Variants in CACNA1E observed in about 807,000 individuals in gnomAD.
The protein encoded by CACNA1E is calcium voltage-gated channel subunit alpha1 E, also known as voltage-dependent R-type calcium channel subunit alpha-1E.
In CACNA1E, 40 loss-of-function variants were observed where a neutral mutation model predicts 259.2. That is an observed-to-expected ratio of 0.15 (90% CI 0.12 to 0.20). The LOEUF (loss-of-function observed/expected upper bound fraction) is 0.20. Ranked by LOEUF, CACNA1E falls within the 10% of genes least tolerant of loss-of-function variation. The pLI, the probability that CACNA1E is intolerant of heterozygous loss-of-function variation, is 1.00. For synonymous variants in CACNA1E, 1,104 were observed against 1,138.5 expected (o/e 0.97, Z 0.61); for missense variants, 1,874 against 3,040.1 (o/e 0.62, Z 9.02).
intron 6 of CACNA1E, among the ~76,000 whole-genome samples, chr1:181,641,635 G>A (rs148129575): frequency 1.1e-4 from 17 of 151,464 alleles, no homozygotes; most frequent in African/African-American, 3.4e-4. Flanking sequence ...CAGAGGAAAC[G>A]AGAGACAATC....
intron 3 of CACNA1E, among the ~76,000 whole-genome samples, chr1:181,525,940 C>T (rs1667326291): frequency 6.6e-6 from 1 of 152,114 alleles, no homozygotes; most frequent in African/African-American, 2.4e-5. Context: ...GTTTATAGCC[C>T]TAAGGAAAGG....
chr1:181,598,673 T>A (rs556009629), intron 6 of CACNA1E, among the ~76,000 whole-genome samples: 61 of 152,328 alleles, frequency 4.0e-4, no homozygotes, highest in Middle Eastern at 3.4e-3. Context: ...TCTGTACATC[T>A]TTTTGTCTGA....
chr1:181,478,487 T>C (rs979956949), intron 2 of CACNA1E, among the ~76,000 whole-genome samples: 4 of 152,258 alleles, frequency 2.6e-5, no homozygotes, highest in Non-Finnish European at 4.4e-5. Flanking sequence ...GCCAACTTTT[T>C]TCTTAAGAAC....
intron 10 of CACNA1E, 81 bp from the exon 11 acceptor site, chr1:181,717,012 C>T (rs919174134): frequency 2.6e-6 from 3 of 1,149,552 alleles, no homozygotes; most frequent in East Asian, 2.4e-5. Flanking sequence ...ACTAGAGCAG[C>T]CCATCTTGCC....
chr1:181,628,236 C>G (rs528005915), intron 6 of CACNA1E, among the ~76,000 whole-genome samples: 2 of 152,256 alleles, frequency 1.3e-5, no homozygotes, highest in South Asian at 4.2e-4. Flanking sequence ...TTCTTAGATT[C>G]GTCAGCAAAC....
At chr1:181,536,052 C>G (rs1003874724) in intron 3 of CACNA1E, among the ~76,000 whole-genome samples, 2 of 152,000 alleles carry the variant, frequency 1.3e-5, no homozygotes, top group African/African-American at 4.8e-5. Flanking sequence ...GCATTTTTTC[C>G]TTACTTTTGG....
chr1:181,508,274 A>T (rs538000483), intron 1 of CACNA1E, among the ~76,000 whole-genome samples: 1 of 152,052 alleles, frequency 6.6e-6, no homozygotes, highest in Non-Finnish European at 1.5e-5. Flanking sequence ...GCTTTCTCTC[A>T]TTGGTTGATT....
chr1:181,685,850 T>C (rs933857218), intron 7 of CACNA1E, among the ~76,000 whole-genome samples: 2 of 152,190 alleles, frequency 1.3e-5, no homozygotes, highest in Non-Finnish European at 2.9e-5. Flanking sequence ...ATGTTGTATA[T>C]AAAATGACCC....
chr1:181,454,869 A>G (rs929442161), intron 2 of CACNA1E, among the ~76,000 whole-genome samples: 3 of 136,226 alleles, frequency 2.2e-5, no homozygotes, highest in East Asian at 1.9e-4. Flanking sequence ...GAAAAGTTGG[A>G]TAAACAATAC....
intron 6 of CACNA1E, among the ~76,000 whole-genome samples, chr1:181,597,408 T>TGA (rs1399989995): frequency 6.6e-6 from 1 of 152,238 alleles, no homozygotes. Flanking sequence ...ATTTTTTGTG[T>TGA]TTCGCATTGT....
upstream of CACNA1E, among the ~76,000 whole-genome samples, chr1:181,481,335 TACACACACACACACACACAC>T (rs113766656): frequency 1.8e-4 from 26 of 145,398 alleles, no homozygotes; most frequent in Non-Finnish European, 3.3e-4. Flanking sequence ...AGAATTTTCC[TACACACACACACACACACAC>T]ACACACACAC....
rs559998019 is a variant in CACNA1E at position 181,676,650 on chromosome 1, C to A, written c.1055+25209C>A. ...AGTATATATGTGCTCCGGCTAGACT[C>A]CAACGAATAGCTGTTTGGCAATACA... On this transcript the variant is annotated intron_variant, in intron 7 of 47. Transcript: ENST00000367573. 1.3e-4 allele frequency among the ~76,000 whole-genome samples: 20 copies of A among 152,234 alleles called. No individual in the cohort carries two copies. The South Asian group carries it at 3.9e-3, about 30-fold the overall frequency.
intron 6 of CACNA1E, among the ~76,000 whole-genome samples, chr1:181,615,780 T>C (rs932054857): frequency 6.6e-6 from 1 of 152,198 alleles, no homozygotes; most frequent in African/African-American, 2.4e-5. Context: ...ATAAATTAAA[T>C]AGAAGTGGCA....
At chr1:181,466,453 C>A (rs897288769) in intron 2 of CACNA1E, among the ~76,000 whole-genome samples, 21 of 151,920 alleles carry the variant, frequency 1.4e-4, no homozygotes, top group African/African-American at 4.8e-4. Flanking sequence ...GAGGCTGAGA[C>A]ATGAGAATCG....
At chr1:181,779,926 G>A (rs1211696016) in intron 38 of CACNA1E, among the ~76,000 whole-genome samples, 1 of 151,826 alleles carries the variant, frequency 6.6e-6, no homozygotes, top group African/African-American at 2.4e-5. Flanking sequence ...TTTTAACCCA[G>A]CAAAAGAATT....
intron 3 of CACNA1E, among the ~76,000 whole-genome samples, chr1:181,551,792 G>A (rs1357222470): frequency 3.3e-5 from 5 of 151,996 alleles, no homozygotes; most frequent in South Asian, 2.1e-4. Flanking sequence ...GCTCACTACC[G>A]GGCAAGGCAC....
At chr1:181,376,733 C>T (rs547402460) in intron 1 of CACNA1E, among the ~76,000 whole-genome samples, 4 of 152,154 alleles carry the variant, frequency 2.6e-5, no homozygotes, top group Non-Finnish European at 4.4e-5. Flanking sequence ...TTTCTATTTC[C>T]AGGGGAGGAT....
chr1:181,477,151 C>T (rs913318389), intron 2 of CACNA1E, among the ~76,000 whole-genome samples: 4 of 151,472 alleles, frequency 2.6e-5, no homozygotes, highest in Admixed American at 6.6e-5. Context: ...TGTACTGCCC[C>T]CCTCCCCACC....
intron 7 of CACNA1E, among the ~76,000 whole-genome samples, chr1:181,700,686 A>C (rs1045317789): frequency 4.6e-5 from 7 of 152,210 alleles, no homozygotes; most frequent in Admixed American, 3.3e-4. Context: ...ACTAAGTCTG[A>C]GAGACTTTCT....
Sources: allele counts gnomAD v4.1 joint callset (sites outside exome capture counted in the v4.1 genomes callset), GRCh38; gene constraint gnomAD v4.1.1; transcripts MANE v1.5; gene names NCBI Gene and HGNC (gene_info 2026-07-23, HGNC 2026-07-21).